UBQLN1: variants seen among roughly 807,000 people sequenced by gnomAD.
The protein encoded by UBQLN1 is ubiquilin 1, also known as ubiquilin-1.
In UBQLN1, 13 loss-of-function variants were observed where a neutral mutation model predicts 65.4. That is an observed-to-expected ratio of 0.20 (90% confidence interval 0.13 to 0.32). The LOEUF is 0.32. Among genes scored for constraint, UBQLN1 ranks in the 10% least tolerant of loss-of-function variants. The pLI is 1.00. For missense variants in UBQLN1, 561 were observed against 724.0 expected (o/e 0.77, Z 2.58); for synonymous variants, 267 against 247.8 (o/e 1.08, Z -0.73).
chr9:83,689,141 C>T (rs568355844), intron 1 of UBQLN1, among the ~76,000 whole-genome samples: 12 of 152,264 alleles, frequency 7.9e-5, no homozygotes, highest in African/African-American at 2.2e-4. Flanking sequence ...TGTTTCCATA[C>T]GAGTATTTCA....
chr9:83,707,470 C>A (rs749461257), intron 1 of UBQLN1, 30 bp downstream of exon 1: 3 of 1,591,046 alleles, frequency 1.9e-6, no homozygotes, highest in South Asian at 2.3e-5. Context: ...CCGCCACCCC[C>A]ATCCCGGCCC....
intron 6 of UBQLN1, among the ~76,000 whole-genome samples, chr9:83,670,075 AT>A (rs1382607122): frequency 2.0e-5 from 3 of 152,156 alleles, no homozygotes. Flanking sequence ...CTACAGCTGA[AT>A]TTATGTGAAT....
At position 83,660,747 on chromosome 9, in the gene UBQLN1, T is replaced by G. The variant is rs905025039; in HGVS notation, c.*1040A>C. ...TTCTTAATAGAACTACCAAAACACTTCAGAAACAATTGGCTCACAACTCAT... is the reference window on the plus strand; with the variant it reads ...TTCTTAATAGAACTACCAAAACACTGCAGAAACAATTGGCTCACAACTCAT... On this transcript the variant is annotated 3_prime_UTR_variant, in exon 11 of 11. Coordinates refer to ENST00000376395, the MANE Select transcript of UBQLN1 (RefSeq NM_013438.5). The G allele has an allele frequency of 7.2e-6, 1 of 138,100 alleles. No individual in the cohort carries two copies. The highest frequency in any genetic ancestry group is 2.3e-4 in the East Asian group (1 of 4,346). The allele number at this position is 138,100 out of a possible 1,614,324, so 8.6% of individuals were successfully genotyped here.
Position 83,661,574 on chromosome 9 carries a change from A to C in UBQLN1, c.*213T>G, listed in dbSNP as rs1354074939. 4.6e-6 allele frequency: 2 copies of C among 435,306 alleles called. No homozygotes were observed. The highest frequency in any genetic ancestry group is 7.9e-6 in the Non-Finnish European group (2 of 251,646). The allele number at this position is 435,306 out of a possible 1,614,324, so 27.0% of individuals were successfully genotyped here. On this transcript the variant is annotated 3_prime_UTR_variant, in exon 11 of 11. Coordinates refer to ENST00000376395, the MANE Select transcript of UBQLN1 (RefSeq NM_013438.5). ...AAAAATTACAATAAATGCAGAAGTG[A>C]TGCATGCAGTAGCCTTAATTCCCAC...
chr9:83,677,801 C>T lies in UBQLN1; in HGVS notation c.1031G>A (p.Gly344Asp). 1 of 1,614,142 alleles carries T rather than the reference C, an allele frequency of 6.2e-7. No homozygotes were observed. Among genetic ancestry groups the T allele is most frequent in the Non-Finnish European group, 8.5e-7 (1 of 1,180,012 alleles). The change falls in exon 6 of 11, where the codon GGC (glycine) becomes GAC (aspartate). Residue 344 changes from glycine (G) to aspartate (D), a missense_variant. Physicochemically the swap from Gly to Asp is moderately conservative, Grantham distance 94. This residue lies in a region of UBQLN1 where 89 missense variants were observed against 77.8 expected (regional missense o/e 1.14). Coordinates refer to ENST00000376395, the MANE Select transcript of UBQLN1 (RefSeq NM_013438.5). Reference protein sequence around the residue: ...ASSGTASTVGGTTGSTASGTS... With the variant: ...ASSGTASTVGDTTGSTASGTS... Reference sequence around the variant, plus strand: ...GCCACTGGCAGTACTACCAGTAGTGCCACCCACAGTGCTGGCAGTGCCGCT... The same window carrying T: ...GCCACTGGCAGTACTACCAGTAGTGTCACCCACAGTGCTGGCAGTGCCGCT...
intron 3 of UBQLN1, among the ~76,000 whole-genome samples, chr9:83,681,663 A>G (rs1306100392): frequency 6.6e-6 from 1 of 152,202 alleles, no homozygotes; most frequent in Non-Finnish European, 1.5e-5. Context: ...AACCACAAAA[A>G]CTTCAGTATG....
chr9:83,691,021 C>T (rs1832118358), intron 1 of UBQLN1, among the ~76,000 whole-genome samples: 1 of 151,602 alleles, frequency 6.6e-6, no homozygotes, highest in South Asian at 2.1e-4. Flanking sequence ...ACCTGCAATC[C>T]CAGCTACTCG....
chr9:83,678,527 G>T lies in UBQLN1; in HGVS notation c.784C>A (p.Leu262Ile). The T allele has an allele frequency of 6.2e-7, 1 of 1,613,840 alleles. No homozygotes were observed. Among genetic ancestry groups the T allele is most frequent in the South Asian group, 1.1e-5 (1 of 91,062 alleles). ...TTATATCCCCCTGGGATGCTTTCTA[G>T]GTTGCTCAAAGCTCGGTCCTGGTTC... Reference protein sequence around the residue: ...MRNQDRALSNLESIPGGYNAL... With the variant: ...MRNQDRALSNIESIPGGYNAL... The change falls in exon 5 of 11, where the codon CTA becomes ATA. Residue 262 changes from leucine to isoleucine, a missense_variant. Transcript: ENST00000376395.
intron 1 of UBQLN1, among the ~76,000 whole-genome samples, chr9:83,697,652 T>G (rs1832240446): frequency 1.3e-5 from 2 of 150,496 alleles, no homozygotes; most frequent in Admixed American, 6.6e-5. Flanking sequence ...GCCTCGCAGA[T>G]TCAAGAGATT....
At position 83,669,365 on chromosome 9, in the gene UBQLN1, AATACTT is replaced by A. The variant is rs1831695095; in HGVS notation, c.1106-44_1106-39del. ...TTTTAAAAAAGACATATTAAGGAAA[AATACTT>A]AAACAAAAGTTAAAGCTTTAAAATA... is the stretch of plus-strand genomic sequence containing the variant. On this transcript the variant is annotated intron_variant, in intron 6 of 10. Transcript: ENST00000376395. The A allele has an allele frequency of 1.9e-6, 3 of 1,551,452 alleles. No homozygotes were observed. In the South Asian group the frequency reaches 3.7e-5, roughly 19 times the overall value.
intron 1 of UBQLN1, among the ~76,000 whole-genome samples, chr9:83,702,194 CTTTT>C (rs1207459324): frequency 2.0e-5 from 3 of 152,154 alleles, no homozygotes; most frequent in Non-Finnish European, 4.4e-5. Context: ...TACAGCGTTT[CTTTT>C]TGAGGGTTCT....
At chr9:83,707,451 G>C in intron 1 of UBQLN1, 49 bp downstream of exon 1, 1 of 1,548,152 alleles carries the variant, frequency 6.5e-7, no homozygotes, top group South Asian at 1.2e-5. Flanking sequence ...GCGGCGGGCG[G>C]AGGTCCTGCC....
At position 83,673,549 on chromosome 9, in the gene UBQLN1, A is replaced by T. The variant is rs1831772627; in HGVS notation, c.1105+4178T>A. 1.7e-4 allele frequency among the ~76,000 whole-genome samples: 10 copies of T among 57,866 alleles called. No homozygotes were observed. The South Asian group carries it at 7.1e-3, about 41-fold the overall frequency. 38.0% of individuals were successfully genotyped at this position (57,866 alleles called of 152,430 possible). On this transcript the variant is annotated intron_variant, in intron 6 of 10. Transcript: ENST00000376395. Reference sequence around the variant, plus strand: ...GACAGGTCGAGACTCGGTCTTTTAAAAAAAAAAAAAAAAAAAAACAAAAAA... The same window carrying T: ...GACAGGTCGAGACTCGGTCTTTTAATAAAAAAAAAAAAAAAAAACAAAAAA...
chr9:83,702,617 T>C (rs1832330420), intron 1 of UBQLN1, among the ~76,000 whole-genome samples: 1 of 152,250 alleles, frequency 6.6e-6, no homozygotes, highest in South Asian at 2.1e-4. Flanking sequence ...ACTATTTCAA[T>C]ACATAATATA....
rs376944218 is a variant in UBQLN1 at position 83,685,615 on chromosome 9, TAAAAAA to T, written c.332+383_332+388del. Among the ~76,000 whole-genome samples, 14 of 131,864 alleles carry T rather than the reference TAAAAAA, an allele frequency of 1.1e-4. No homozygotes were observed. In the South Asian group the frequency reaches 3.5e-3, roughly 33 times the overall value. The allele number at this position is 131,864 out of a possible 152,430, so 86.5% of individuals were successfully genotyped here. ...GGCAACATGGCATGACTCTGTCTCTTAAAAAAAAAAAAAAAAAAGTTCCTTAGACTT... is the reference window on the plus strand; with the variant it reads ...GGCAACATGGCATGACTCTGTCTCTTAAAAAAAAAAAAGTTCCTTAGACTT... On this transcript the variant is annotated intron_variant, in intron 2 of 10. Transcript: ENST00000376395.
intron 6 of UBQLN1, among the ~76,000 whole-genome samples, chr9:83,675,920 A>T (rs10780622): frequency 2.0e-5 from 3 of 151,974 alleles, no homozygotes; most frequent in African/African-American, 7.3e-5. Context: ...ATTGTAACTA[A>T]ATATTACCAA....
chr9:83,684,671 C>T (rs377173188), intron 2 of UBQLN1, among the ~76,000 whole-genome samples: 13 of 151,906 alleles, frequency 8.6e-5, no homozygotes, highest in East Asian at 5.8e-4. Context: ...ATTAGCCGGG[C>T]GTGGTGGCGC....
At chr9:83,692,738 G>C (rs1832148939) in intron 1 of UBQLN1, among the ~76,000 whole-genome samples, 1 of 152,136 alleles carries the variant, frequency 6.6e-6, no homozygotes, top group African/African-American at 2.4e-5. Flanking sequence ...TGTAATCCCA[G>C]CTACTTGGGA....
At chr9:83,679,735 C>A (rs187284337) in intron 4 of UBQLN1, 40 bp downstream of exon 4, 17 of 1,592,784 alleles carry the variant, frequency 1.1e-5, no homozygotes, top group African/African-American at 1.3e-5. Context: ...ACAAATATAT[C>A]ATTTTTTAGC....
Sources: allele counts gnomAD v4.1 joint callset (sites outside exome capture counted in the v4.1 genomes callset), GRCh38; gene constraint gnomAD v4.1.1; regional missense constraint gnomAD v4.1.1; transcripts MANE v1.5; gene names NCBI Gene and HGNC (gene_info 2026-07-23, HGNC 2026-07-21).